METTL15: variants seen among roughly 807,000 people sequenced by gnomAD.
The protein encoded by METTL15 is methyltransferase 15, mitochondrial 12S rRNA N4-cytidine, also known as 12S rRNA N(4)-cytidine methyltransferase METTL15.
Under a neutral mutation model 38.3 loss-of-function variants are expected in METTL15, and 34 were observed. The observed-to-expected ratio is 0.89, with a 90% CI of 0.68 to 1.18. The LOEUF (loss-of-function observed/expected upper bound fraction) is 1.18. METTL15 is among the 50% of genes most tolerant of loss of function. The pLI is 0.00. For missense variants in METTL15, 438 were observed against 498.4 expected (o/e 0.88, Z 1.15); for synonymous variants, 162 against 170.9 (o/e 0.95, Z 0.41).
chr11:28,453,981 A>C (rs1048673243), intron 6 of METTL15, among the ~76,000 whole-genome samples: 5 of 152,238 alleles, frequency 3.3e-5, no homozygotes, highest in Admixed American at 2.0e-4. Flanking sequence ...ATTATTGAGA[A>C]TACCTAGACT....
At chr11:28,478,062 C>A (rs1014253356) in intron 6 of METTL15, among the ~76,000 whole-genome samples, 1 of 152,094 alleles carries the variant, frequency 6.6e-6, no homozygotes, top group African/African-American at 2.4e-5. Context: ...TGGCCAAACT[C>A]TCTTATACCC....
chr11:28,254,530 G>C (rs1282771064), intron 4 of METTL15, among the ~76,000 whole-genome samples: 1 of 152,050 alleles, frequency 6.6e-6, no homozygotes, highest in African/African-American at 2.4e-5. Context: ...GCCTTTGCTT[G>C]TGAGGTATTA....
At chr11:28,358,197 A>G (rs920988944) in intron 4 of METTL15, among the ~76,000 whole-genome samples, 1 of 152,150 alleles carries the variant, frequency 6.6e-6, no homozygotes, top group African/African-American at 2.4e-5. Context: ...AATTCTGTCA[A>G]CAGCCAATGA....
At chr11:28,510,617 T>C (rs1283655474) in intron 6 of METTL15, among the ~76,000 whole-genome samples, 1 of 152,166 alleles carries the variant, frequency 6.6e-6, no homozygotes, top group Non-Finnish European at 1.5e-5. Context: ...GAAGTATATG[T>C]TATTATTATT....
At chr11:28,370,648 C>A (rs1383292094) in intron 5 of METTL15, among the ~76,000 whole-genome samples, 2 of 151,964 alleles carry the variant, frequency 1.3e-5, no homozygotes, top group Non-Finnish European at 2.9e-5. Context: ...TCCATAGTGA[C>A]TGTGTTAATT....
chr11:28,235,761 A>G (rs2133891792), intron 4 of METTL15, among the ~76,000 whole-genome samples: 1 of 152,240 alleles, frequency 6.6e-6, no homozygotes, highest in Non-Finnish European at 1.5e-5. Flanking sequence ...AACAGGGACA[A>G]TTTGACTTCC....
At chr11:28,306,263 C>A (rs908770334) in intron 6 of METTL15, among the ~76,000 whole-genome samples, 1 of 152,048 alleles carries the variant, frequency 6.6e-6, no homozygotes, top group African/African-American at 2.4e-5. Flanking sequence ...ATTAGAGTGA[C>A]CTGCTGGCAT....
At position 28,249,859 on chromosome 11, in the gene METTL15, T is replaced by G. The variant is rs184139717; in HGVS notation, c.407+38661T>G. Among the ~76,000 whole-genome samples, 263 of 152,106 alleles carry G rather than the reference T, an allele frequency of 1.7e-3. 1 individual carries two copies. The highest frequency in any genetic ancestry group is 6.1e-3 in the African/African-American group (255 of 41,538). On this transcript the variant is annotated intron_variant, in intron 4 of 6. Transcript: ENST00000407364. Reference sequence around the variant, plus strand: ...AGCACAATACCTGATAGGTAGTTTTTCTATCCACACCTTCCTCCTACCCTC... The same window carrying G: ...AGCACAATACCTGATAGGTAGTTTTGCTATCCACACCTTCCTCCTACCCTC...
At position 28,301,476 on chromosome 11, in the gene METTL15, C is replaced by G. The variant is rs187559916; in HGVS notation, c.778+4545C>G. Among the ~76,000 whole-genome samples, 5 of 151,962 alleles carry G rather than the reference C, an allele frequency of 3.3e-5. No individual in the cohort carries two copies. In the East Asian group the frequency reaches 9.7e-4, roughly 30 times the overall value. On this transcript the variant is annotated intron_variant, in intron 6 of 6. Coordinates refer to ENST00000407364, the MANE Select transcript of METTL15 (RefSeq NM_001113528.2). Reference sequence around the variant, plus strand: ...TTGCTTGCTTACTATTTAAATATTCCCTTAGATTTATATTGTGCAACACCA... The same window carrying G: ...TTGCTTGCTTACTATTTAAATATTCGCTTAGATTTATATTGTGCAACACCA...
intron 3 of METTL15, among the ~76,000 whole-genome samples, chr11:28,149,198 T>A (rs1202268680): frequency 6.6e-6 from 1 of 151,950 alleles, no homozygotes; most frequent in Non-Finnish European, 1.5e-5. Flanking sequence ...ATTTTTTTTT[T>A]TTTTTTAGCC....
chr11:28,293,698 T>A (rs1448360442), intron 5 of METTL15, among the ~76,000 whole-genome samples: 1 of 151,874 alleles, frequency 6.6e-6, no homozygotes, highest in African/African-American at 2.4e-5. Flanking sequence ...GCATGGAATG[T>A]TCTTCCATTT....
At chr11:28,300,472 G>A (rs1299676668) in intron 6 of METTL15, among the ~76,000 whole-genome samples, 4 of 152,026 alleles carry the variant, frequency 2.6e-5, no homozygotes, top group Non-Finnish European at 5.9e-5. Context: ...TCTAAAGTTT[G>A]GTGCGTTTTG....
chr11:28,426,195 G>A (rs995728794), intron 6 of METTL15, among the ~76,000 whole-genome samples: 13 of 152,200 alleles, frequency 8.5e-5, no homozygotes, highest in Admixed American at 1.3e-4. Flanking sequence ...GAGAACATGC[G>A]GTATTTGGTT....
At chr11:28,117,792 T>TA (rs1852038547) in intron 3 of METTL15, among the ~76,000 whole-genome samples, 1 of 152,198 alleles carries the variant, frequency 6.6e-6, no homozygotes, top group Admixed American at 6.5e-5. Flanking sequence ...CTTCAAGTAA[T>TA]AAAGAACTGG....
chr11:28,201,508 T>C (rs1420603518), intron 3 of METTL15, among the ~76,000 whole-genome samples: 1 of 151,866 alleles, frequency 6.6e-6, no homozygotes, highest in Non-Finnish European at 1.5e-5. Flanking sequence ...ACCCATCTGG[T>C]CCTGGGCTTC....
chr11:28,310,351 T>TACACACACACAC (rs111303962), intron 6 of METTL15, among the ~76,000 whole-genome samples: 12 of 147,138 alleles, frequency 8.2e-5, no homozygotes, highest in East Asian at 6.0e-4. Flanking sequence ...TGTTCAGAGG[T>TACACACACACAC]ACACACACAC....
chr11:28,265,802 A>G (rs933865924), intron 4 of METTL15, among the ~76,000 whole-genome samples: 10 of 152,222 alleles, frequency 6.6e-5, no homozygotes, highest in Non-Finnish European at 8.8e-5. Flanking sequence ...CTGGATGTCT[A>G]TAGAGATCTT....
intron 5 of METTL15, among the ~76,000 whole-genome samples, chr11:28,407,984 A>G (rs1286209489): frequency 6.6e-6 from 1 of 152,178 alleles, no homozygotes; most frequent in Non-Finnish European, 1.5e-5. Context: ...CATAAGAAGG[A>G]ACAAGATTGT....
At chr11:28,109,019 A>G (rs1160280275) in intron 1 of METTL15, among the ~76,000 whole-genome samples, 1 of 152,160 alleles carries the variant, frequency 6.6e-6, no homozygotes, top group African/African-American at 2.4e-5. Flanking sequence ...AATTATTTAG[A>G]TTTTAGACAC....
Sources: gnomAD v4.1 joint callset for allele counts (sites outside exome capture counted in the v4.1 genomes callset) on GRCh38, gnomAD v4.1.1 for gene constraint, MANE v1.5 for transcripts, NCBI Gene and HGNC (gene_info 2026-07-23, HGNC 2026-07-21) for gene names.